The following UBE2F variants were observed in gnomAD, a reference collection of about 807,000 sequenced individuals.
UBE2F encodes NEDD8-conjugating enzyme UBE2F.
A neutral mutation model predicts 29.6 loss-of-function variants in UBE2F; 5 were observed. That is an observed-to-expected ratio of 0.17 (90% CI 0.09 to 0.36). UBE2F has a LOEUF of 0.36. UBE2F is among the 10% of genes least tolerant of loss of function. UBE2F has a pLI of 1.00. For synonymous variants in UBE2F, 66 were observed against 81.8 expected (o/e 0.81, Z 1.04); for missense variants, 141 against 228.5 (o/e 0.62, Z 2.47).
intron 8 of UBE2F, 38 bp downstream of exon 8, chr2:238,032,292 T>G: frequency 6.4e-7 from 1 of 1,562,870 alleles, no homozygotes; most frequent in Non-Finnish European, 8.8e-7. Flanking sequence ...TATTCTCAAT[T>G]TCCTTGTTGC....
rs146349737 is a variant in UBE2F at position 238,030,130 on chromosome 2, T to A, written c.354-426T>A. Among the ~76,000 whole-genome samples the A allele has an allele frequency of 9.6e-4, 146 of 152,198 alleles. 1 individual carries two copies. The highest frequency in any genetic ancestry group is 3.5e-3 in the African/African-American group (144 of 41,534). ...TTTTAGTAGAGACAGGGTATCACTG[T>A]GTTGCCCAGGCTGGTCTCAAACTCC... On this transcript the variant is annotated intron_variant, in intron 6 of 9. Transcript: ENST00000272930.
At chr2:237,985,085 C>T (rs755122457) in intron 2 of UBE2F, among the ~76,000 whole-genome samples, 55 of 152,030 alleles carry the variant, frequency 3.6e-4, no homozygotes, top group Non-Finnish European at 6.3e-4. Context: ...CCTCCTGCCT[C>T]GGCCTCCCAA....
intron 4 of UBE2F, chr2:238,003,401 T>C (rs1464467451): frequency 2.1e-6 from 1 of 471,004 alleles, no homozygotes; most frequent in Non-Finnish European, 4.4e-6. Context: ...TTGCTTACTG[T>C]GCCTACTGAG....
intron 2 of UBE2F, among the ~76,000 whole-genome samples, chr2:237,979,209 C>G (rs1446041350): frequency 6.6e-6 from 1 of 152,226 alleles, no homozygotes; most frequent in Non-Finnish European, 1.5e-5. Context: ...CAATCAGCCC[C>G]TGAGTCCCAG....
At chr2:237,997,383 T>A (rs1373363078) in intron 4 of UBE2F, among the ~76,000 whole-genome samples, 3 of 152,208 alleles carry the variant, frequency 2.0e-5, no homozygotes, top group African/African-American at 2.4e-5. Flanking sequence ...TATTTTGTGA[T>A]GTCTGTGAAT....
At chr2:238,006,091 T>C (rs1197809949) in intron 4 of UBE2F, among the ~76,000 whole-genome samples, 4 of 152,326 alleles carry the variant, frequency 2.6e-5, no homozygotes, top group African/African-American at 9.6e-5. Context: ...TGGCTTATGG[T>C]TCTGCAGGCT....
At position 238,039,732 on chromosome 2, in the gene UBE2F, G is replaced by T. The variant is rs2064798117; in HGVS notation, c.508-1556G>T. On this transcript the variant is annotated intron_variant, in intron 9 of 9. Coordinates refer to ENST00000272930, the MANE Select transcript of UBE2F (RefSeq NM_080678.3). ...GGGAGGCAGCAGAGGCTGGAGCATG[G>T]GGCCTGCTGGAGCATGGAGCCTGCT... Among the ~76,000 whole-genome samples the T allele has an allele frequency of 2.0e-5, 3 of 152,306 alleles. 1 individual carries two copies. In the South Asian group the frequency reaches 6.2e-4, roughly 32 times the overall value.
chr2:237,987,629 A>G (rs2063506159), intron 2 of UBE2F, among the ~76,000 whole-genome samples: 1 of 152,208 alleles, frequency 6.6e-6, no homozygotes, highest in African/African-American at 2.4e-5. Flanking sequence ...TCAGGTTTTG[A>G]GAGGAATCAT....
chr2:238,030,744 TC>T, intron 7 of UBE2F, 131 bp downstream of exon 7: 1 of 696,266 alleles, frequency 1.4e-6, no homozygotes, highest in Non-Finnish European at 2.6e-6. Context: ...ACACCCTGCC[TC>T]CTCTTCTCCC....
Position 238,042,240 on chromosome 2 carries a change from T to C in UBE2F, c.*902T>C, listed in dbSNP as rs1056084776. On this transcript the variant is annotated 3_prime_UTR_variant, in exon 10 of 10. Transcript: ENST00000272930. ...GAAACTGGCTGGAGCCTGGACCAGCTGGGGTTGATGCTTTTGCAGTGGTCA... is the reference window on the plus strand; with the variant it reads ...GAAACTGGCTGGAGCCTGGACCAGCCGGGGTTGATGCTTTTGCAGTGGTCA... The C allele has an allele frequency of 1.3e-5, 2 of 152,252 alleles. No individual in the cohort carries two copies. Among genetic ancestry groups the C allele is most frequent in the African/African-American group, 4.8e-5 (2 of 41,464 alleles). 9.4% of individuals were successfully genotyped at this position (152,252 alleles called of 1,614,324 possible).
chr2:237,992,083 C>A (rs1054233530), intron 3 of UBE2F, among the ~76,000 whole-genome samples: 3 of 152,062 alleles, frequency 2.0e-5, no homozygotes, highest in Non-Finnish European at 4.4e-5. Flanking sequence ...CCAGGCTAGT[C>A]TTGAACTCCT....
chr2:237,998,464 A>G (rs1410024523), intron 4 of UBE2F, among the ~76,000 whole-genome samples: 1 of 152,148 alleles, frequency 6.6e-6, no homozygotes, highest in African/African-American at 2.4e-5. Context: ...AAATTTACAC[A>G]TGTTGTGTGA....
intron 2 of UBE2F, among the ~76,000 whole-genome samples, chr2:237,978,455 A>G (rs1449605003): frequency 1.3e-5 from 2 of 152,192 alleles, no homozygotes; most frequent in South Asian, 2.1e-4. Flanking sequence ...GAGTGAGCCC[A>G]GTTCTGAACA....
chr2:238,029,686 G>A (rs954296758), intron 6 of UBE2F, among the ~76,000 whole-genome samples: 8 of 152,230 alleles, frequency 5.3e-5, no homozygotes, highest in Middle Eastern at 3.4e-3. Flanking sequence ...TCAGAATGTC[G>A]GTGCCCGTGA....
rs2063633825 is a variant in UBE2F, at chr2:237,993,698, G to A, written c.149-1046G>A. Among the ~76,000 whole-genome samples the A allele has an allele frequency of 2.0e-5, 3 of 152,240 alleles. No individual in the cohort carries two copies. In the South Asian group the frequency reaches 6.2e-4, roughly 31 times the overall value. ...ACTGTCCTCCAGTCCAGGCAACAGAGTGAGACCCTGTCTAAAAAAAAGTTT... is the reference window on the plus strand; with the variant it reads ...ACTGTCCTCCAGTCCAGGCAACAGAATGAGACCCTGTCTAAAAAAAAGTTT... On this transcript the variant is annotated intron_variant, in intron 3 of 9. Coordinates refer to ENST00000272930, the MANE Select transcript of UBE2F (RefSeq NM_080678.3).
At chr2:237,992,757 C>T (rs1319166741) in intron 3 of UBE2F, among the ~76,000 whole-genome samples, 2 of 152,154 alleles carry the variant, frequency 1.3e-5, no homozygotes, top group African/African-American at 2.4e-5. Context: ...CTACTTATGT[C>T]TCCTAATTGA....
rs114300709 is a variant in UBE2F, at chr2:237,967,832, G to T, written c.-17+700G>T. Among the ~76,000 whole-genome samples, 692 of 152,314 alleles carry T rather than the reference G, an allele frequency of 4.5e-3. 9 individuals are homozygous for T. The highest frequency in any genetic ancestry group is 0.016 in the African/African-American group (664 of 41,556). On this transcript the variant is annotated intron_variant, in intron 1 of 9. Transcript: ENST00000272930. The surrounding 1 kb of genome is among the most constrained non-coding windows in gnomAD (Gnocchi z 6.3). ...CTTGGTTCCAGACCTAGTTCTGCTG[G>T]TGTGTCATCTTGGGTGTGGCCTTCC...
At chr2:238,005,054 G>C (rs968714590) in intron 4 of UBE2F, among the ~76,000 whole-genome samples, 2 of 152,136 alleles carry the variant, frequency 1.3e-5, no homozygotes, top group Non-Finnish European at 2.9e-5. Flanking sequence ...GCCTCCAGAA[G>C]ATAATAAATT....
intron 9 of UBE2F, 64 bp from the exon 10 acceptor site, chr2:238,041,224 C>T (rs1197541380): frequency 1.3e-6 from 2 of 1,488,940 alleles, no homozygotes; most frequent in East Asian, 2.3e-5. Context: ...CCCTGAAGCG[C>T]TGCTTCACTC....
Sources: gnomAD v4.1 joint callset for allele counts (sites outside exome capture counted in the v4.1 genomes callset) on GRCh38, gnomAD v4.1.1 for gene constraint, Gnocchi (gnomAD v3.1) non-coding constraint, MANE v1.5 for transcripts, NCBI Gene and HGNC (gene_info 2026-07-23, HGNC 2026-07-21) for gene names.